SYNJ1: variants seen among roughly 807,000 people sequenced by gnomAD.
The protein encoded by SYNJ1 is polyphosphatidylinositol phosphatase SYNJ1.
SYNJ1 carries 78 observed loss-of-function variants against 168.2 expected under a neutral mutation model. That is an observed-to-expected ratio of 0.46 (90% CI 0.39 to 0.56). SYNJ1 has a LOEUF of 0.56. Ranked by LOEUF, SYNJ1 falls within the 20% of genes least tolerant of loss-of-function variation. The pLI is 0.00. For synonymous variants in SYNJ1, 539 were observed against 548.6 expected, an observed-to-expected ratio of 0.98 and a Z score of 0.24; for missense variants, 1,303 against 1,597.6, an observed-to-expected ratio of 0.82 and a Z score of 3.14.
intron 2 of SYNJ1, among the ~76,000 whole-genome samples, chr21:32,720,139 T>G (rs2146369427): frequency 6.6e-6 from 1 of 152,252 alleles, no homozygotes; most frequent in South Asian, 2.1e-4. Context: ...CTTGGGAGGC[T>G]GAGGCAGGAG....
chr21:32,705,081 G>A (rs545895019), intron 2 of SYNJ1, among the ~76,000 whole-genome samples: 79 of 151,022 alleles, frequency 5.2e-4, no homozygotes, highest in Non-Finnish European at 9.6e-4. Flanking sequence ...CCTGGGAGGC[G>A]TAGGTTGCAG....
At chr21:32,694,442 C>G in intron 5 of SYNJ1, 131 bp from the exon 6 acceptor site, 1 of 617,836 alleles carries the variant, frequency 1.6e-6, no homozygotes, top group Non-Finnish European at 2.5e-6. Flanking sequence ...ATACAATTGT[C>G]CAAAACAGGC....
chr21:32,671,682 T>A (rs2041194889), intron 14 of SYNJ1, among the ~76,000 whole-genome samples: 1 of 152,160 alleles, frequency 6.6e-6, no homozygotes, highest in Non-Finnish European at 1.5e-5. Context: ...TGAACACATG[T>A]AAGGTACATA....
In SYNJ1 at chr21:32,649,209, C is replaced by T. The variant is rs76750029; in HGVS notation, c.3037+975G>A. Reference sequence around the variant, plus strand: ...CTATGAGTTCTGGAAAGGCAAGAACCACAGCTGTCGAATCTCCAGCACCCA... The same window carrying T: ...CTATGAGTTCTGGAAAGGCAAGAACTACAGCTGTCGAATCTCCAGCACCCA... On this transcript the variant is annotated intron_variant, in intron 23 of 32. Transcript: ENST00000674351. 8.6e-3 allele frequency among the ~76,000 whole-genome samples: 1,310 copies of T among 152,262 alleles called. 13 individuals are homozygous for T. The highest frequency in any genetic ancestry group is 0.013 in the Non-Finnish European group (895 of 68,008).
In SYNJ1 at chr21:32,629,333, C is replaced by T. The variant is rs1362266698; in HGVS notation, c.*2472G>A. ...AGTAATACTGCTGTTTAAGACGCTA[C>T]TGCTGAAATGATTAGAACCTCCAAA... On this transcript the variant is annotated 3_prime_UTR_variant, in exon 33 of 33. Coordinates refer to ENST00000674351, the MANE Select transcript of SYNJ1 (RefSeq NM_203446.3). 1 of 152,630 alleles carries T rather than the reference C, an allele frequency of 6.6e-6. No homozygotes were observed. 9.5% of individuals were successfully genotyped at this position (152,630 alleles called of 1,614,324 possible).
chr21:32,696,758 A>G (rs1468181281), intron 4 of SYNJ1, among the ~76,000 whole-genome samples: 2 of 152,224 alleles, frequency 1.3e-5, no homozygotes, highest in Admixed American at 6.5e-5. Context: ...AGGCTGCAAC[A>G]GAGATAAAAA....
chr21:32,703,720 GTT>G (rs2042494736), intron 2 of SYNJ1, among the ~76,000 whole-genome samples: 1 of 151,690 alleles, frequency 6.6e-6, no homozygotes, highest in African/African-American at 2.4e-5. Context: ...AGAAAATATA[GTT>G]TTATTTTTAT....
At chr21:32,695,420 A>G (rs2146176411) in intron 4 of SYNJ1, 138 bp from the exon 5 acceptor site, 2 of 825,972 alleles carry the variant, frequency 2.4e-6, no homozygotes, top group East Asian at 5.5e-5. Context: ...ATTTACATTT[A>G]CTATGCTAGG....
In SYNJ1 at chr21:32,641,979, C is replaced by T. The variant is rs765310590; in HGVS notation, c.3518-13G>A. 14 of 1,613,698 alleles carry T rather than the reference C, an allele frequency of 8.7e-6. No individual in the cohort carries two copies. In the South Asian group the frequency reaches 1.1e-4, roughly 13 times the overall value. Reference sequence around the variant, plus strand: ...GGCTGACTGCGTCCTGGAACAAAGACATCATATCATATATTTAAGTTTAAA... The same window carrying T: ...GGCTGACTGCGTCCTGGAACAAAGATATCATATCATATATTTAAGTTTAAA... On this transcript the variant is annotated splice_polypyrimidine_tract_variant and intron_variant, in intron 28 of 32. Coordinates refer to ENST00000674351, the MANE Select transcript of SYNJ1 (RefSeq NM_203446.3).
At position 32,643,600 on chromosome 21, in the gene SYNJ1, A is replaced by G. The variant is rs114254938; in HGVS notation, c.3431-143T>C. ...GCTTTAAATTTCTTCAAAGATATCAATACAAACCAAAGTGACTTTAGATGC... is the reference window on the plus strand; with the variant it reads ...GCTTTAAATTTCTTCAAAGATATCAGTACAAACCAAAGTGACTTTAGATGC... On this transcript the variant is annotated intron_variant, in intron 26 of 32. Coordinates refer to ENST00000674351, the MANE Select transcript of SYNJ1 (RefSeq NM_203446.3). 2.8e-4 allele frequency: 226 copies of G among 804,198 alleles called. 1 individual carries two copies. The African/African-American group carries it at 3.7e-3, about 13-fold the overall frequency. 49.8% of individuals were successfully genotyped at this position (804,198 alleles called of 1,614,324 possible).
chr21:32,666,604 T>C (rs544256911), intron 15 of SYNJ1, 31 bp from the exon 16 acceptor site: 1 of 1,597,600 alleles, frequency 6.3e-7, no homozygotes, highest in African/African-American at 1.4e-5. Flanking sequence ...GAGAATTTTT[T>C]AAAAAGGTAT....
At chr21:32,649,324 A>G (rs2040187555) in intron 23 of SYNJ1, among the ~76,000 whole-genome samples, 2 of 152,256 alleles carry the variant, frequency 1.3e-5, no homozygotes, top group African/African-American at 4.8e-5. Flanking sequence ...ACCTTGTAAG[A>G]CGTTCAACTC....
At chr21:32,713,685 T>C (rs1763378245) in intron 2 of SYNJ1, among the ~76,000 whole-genome samples, 2 of 150,678 alleles carry the variant, frequency 1.3e-5, no homozygotes, top group South Asian at 4.2e-4. Flanking sequence ...TTCCCATATA[T>C]CAACATGGAT....
At chr21:32,673,594 C>A in intron 13 of SYNJ1, 63 bp from the exon 14 acceptor site, 1 of 1,399,026 alleles carries the variant, frequency 7.1e-7, no homozygotes, top group South Asian at 1.5e-5. Context: ...AATTGATTTT[C>A]ATAACTGAGA....
chr21:32,671,075 G>A (rs1196390740), intron 14 of SYNJ1, among the ~76,000 whole-genome samples: 1 of 152,186 alleles, frequency 6.6e-6, no homozygotes, highest in African/African-American at 2.4e-5. Context: ...TTGGAAGGCT[G>A]AGGTGAGAGG....
intron 2 of SYNJ1, among the ~76,000 whole-genome samples, chr21:32,710,529 T>C (rs528425306): frequency 6.8e-6 from 1 of 146,326 alleles, no homozygotes; most frequent in Admixed American, 6.8e-5. Flanking sequence ...ACATTTGAAC[T>C]TTTTTTTTTT....
chr21:32,689,216 T>A (rs1395684986), intron 6 of SYNJ1, among the ~76,000 whole-genome samples: 5 of 152,358 alleles, frequency 3.3e-5, no homozygotes, highest in Admixed American at 3.3e-4. Context: ...GACGTTGGAA[T>A]GAAGGTTGCC....
chr21:32,708,863 A>C (rs2042713098), intron 2 of SYNJ1, among the ~76,000 whole-genome samples: 1 of 151,634 alleles, frequency 6.6e-6, no homozygotes, highest in Non-Finnish European at 1.5e-5. Context: ...TCACGCCTGT[A>C]ATCCTAACAC....
chr21:32,630,928 C>A lies in SYNJ1; in HGVS notation c.*877G>T. The A allele has an allele frequency of 6.9e-7, 1 of 1,442,188 alleles. No homozygotes were observed. Among genetic ancestry groups the A allele is most frequent in the Non-Finnish European group, 9.4e-7 (1 of 1,067,698 alleles). The allele number at this position is 1,442,188 out of a possible 1,614,324, so 89.3% of individuals were successfully genotyped here. On this transcript the variant is annotated 3_prime_UTR_variant, in exon 33 of 33. Coordinates refer to ENST00000674351, the MANE Select transcript of SYNJ1 (RefSeq NM_203446.3). The stretch of plus-strand genomic sequence containing the variant: ...ATGACTTATTGCACATAATGAAATA[C>A]TAATGCCCAATTCTCTTAGCTCTAT...
Sources: gnomAD v4.1 joint callset for allele counts (sites outside exome capture counted in the v4.1 genomes callset) on GRCh38, gnomAD v4.1.1 for gene constraint, MANE v1.5 for transcripts, NCBI Gene and HGNC (gene_info 2026-07-23, HGNC 2026-07-21) for gene names.